MACROD2: variants seen among roughly 807,000 people sequenced by gnomAD.
The protein encoded by MACROD2 is mono-ADP ribosylhydrolase 2.
In MACROD2, 36 loss-of-function variants were observed where a neutral mutation model predicts 70.4. The observed-to-expected ratio is 0.51, with a 90% CI of 0.39 to 0.68. The LOEUF (loss-of-function observed/expected upper bound fraction) is 0.68, where lower values mean the gene tolerates loss of function less well. Ranked by LOEUF, MACROD2 falls within the 30% of genes least tolerant of loss-of-function variation. The pLI is 0.00. For missense variants in MACROD2, 496 were observed against 538.4 expected (o/e 0.92, Z 0.78); for synonymous variants, 172 against 178.8 (o/e 0.96, Z 0.30).
rs191124948 is a variant in MACROD2, at chr20:15,244,517, G to C, written c.540+14456G>C. Among the ~76,000 whole-genome samples the C allele has an allele frequency of 1.9e-3, 293 of 152,290 alleles. 4 individuals are homozygous for C. Among genetic ancestry groups the C allele is most frequent in the Admixed American group, 0.018 (272 of 15,300 alleles). ...GAAGACTTTGAGGTGGGGAGTGCCA[G>C]TTGGTTTGAGGCCCCCCTGCACCCC... On this transcript the variant is annotated intron_variant, in intron 6 of 17. Coordinates refer to ENST00000684519, the MANE Select transcript of MACROD2 (RefSeq NM_001351661.2).
At chr20:15,157,312 G>A (rs2076313622) in intron 5 of MACROD2, among the ~76,000 whole-genome samples, 1 of 149,032 alleles carries the variant, frequency 6.7e-6, no homozygotes, top group African/African-American at 2.5e-5. Context: ...TATCATGAGG[G>A]TCATGCTTTC....
At chr20:14,365,780 G>A (rs80021714) in intron 3 of MACROD2, among the ~76,000 whole-genome samples, 2,255 of 152,208 alleles carry the variant, frequency 0.015, 23 homozygotes, top group African/African-American at 0.027. Context: ...TGCTTTTGCT[G>A]TATCCCATGA....
intron 7 of MACROD2, among the ~76,000 whole-genome samples, chr20:15,445,546 C>T (rs888994373): frequency 6.6e-6 from 1 of 151,930 alleles, no homozygotes; most frequent in African/African-American, 2.4e-5. Flanking sequence ...CGGACAAAAC[C>T]AAATCATGTT....
intron 5 of MACROD2, among the ~76,000 whole-genome samples, chr20:15,114,120 A>T (rs1332922839): frequency 6.6e-6 from 1 of 152,170 alleles, no homozygotes; most frequent in African/African-American, 2.4e-5. Context: ...GAGAGAGGTG[A>T]ATGTGCATCT....
intron 8 of MACROD2, among the ~76,000 whole-genome samples, chr20:15,694,388 A>AT (rs1055066366): frequency 6.6e-6 from 1 of 152,012 alleles, no homozygotes; most frequent in Non-Finnish European, 1.5e-5. Context: ...CTGGTTTTTG[A>AT]TTTTTTTATT....
At chr20:15,118,229 T>C (rs1162613747) in intron 5 of MACROD2, among the ~76,000 whole-genome samples, 3 of 146,190 alleles carry the variant, frequency 2.1e-5, no homozygotes, top group African/African-American at 7.7e-5. Flanking sequence ...GGTCTCGCCC[T>C]GTTACCAGGC....
intron 5 of MACROD2, among the ~76,000 whole-genome samples, chr20:15,040,137 C>T (rs899913979): frequency 3.3e-5 from 5 of 151,940 alleles, no homozygotes; most frequent in African/African-American, 1.2e-4. Flanking sequence ...AACACGGTGA[C>T]ACCCTGTCTC....
intron 4 of MACROD2, among the ~76,000 whole-genome samples, chr20:14,679,683 G>A (rs543639061): frequency 2.0e-5 from 3 of 152,122 alleles, no homozygotes; most frequent in African/African-American, 7.2e-5. Context: ...TCAAAGACTT[G>A]CTTTTGAGCA....
chr20:15,179,761 T>G (rs2076487637), intron 5 of MACROD2, among the ~76,000 whole-genome samples: 1 of 152,224 alleles, frequency 6.6e-6, no homozygotes, highest in Non-Finnish European at 1.5e-5. Context: ...TTTTTGGCAT[T>G]GCCAAGGTCA....
chr20:15,206,361 C>T (rs941363449), intron 5 of MACROD2, among the ~76,000 whole-genome samples: 4 of 152,102 alleles, frequency 2.6e-5, no homozygotes, highest in African/African-American at 9.7e-5. Flanking sequence ...TTGGAACTTA[C>T]ATGGAGCTAT....
intron 3 of MACROD2, among the ~76,000 whole-genome samples, chr20:14,100,828 CATATATA>C (rs1244044789): frequency 7.8e-6 from 1 of 128,062 alleles, no homozygotes; most frequent in Non-Finnish European, 1.6e-5. Flanking sequence ...TCATATATAA[CATATATA>C]ATATAATATA....
intron 2 of MACROD2, among the ~76,000 whole-genome samples, chr20:14,060,304 A>T (rs894558843): frequency 6.6e-6 from 1 of 152,182 alleles, no homozygotes; most frequent in African/African-American, 2.4e-5. Flanking sequence ...TTACAGATCC[A>T]TGTTTCTAAC....
intron 5 of MACROD2, among the ~76,000 whole-genome samples, chr20:14,934,706 G>A (rs1783930282): frequency 6.6e-6 from 1 of 152,168 alleles, no homozygotes; most frequent in South Asian, 2.1e-4. Context: ...TGAATTGCTT[G>A]AACTCAGGAG....
chr20:15,488,589 G>T (rs755822365), intron 7 of MACROD2, among the ~76,000 whole-genome samples: 9 of 152,192 alleles, frequency 5.9e-5, no homozygotes, highest in Non-Finnish European at 1.0e-4. Flanking sequence ...GCCCCACTGG[G>T]GGGCTCCTAG....
intron 5 of MACROD2, among the ~76,000 whole-genome samples, chr20:15,112,946 TTCACTG>T (rs1427630765): frequency 3.2e-5 from 3 of 94,042 alleles, no homozygotes; most frequent in African/African-American, 9.8e-5. Context: ...TGGATAATAT[TTCACTG>T]TGTGTGTGTG....
At chr20:14,725,167 G>A (rs188740737) in intron 5 of MACROD2, among the ~76,000 whole-genome samples, 30 of 152,270 alleles carry the variant, frequency 2.0e-4, no homozygotes, top group Admixed American at 5.2e-4. Flanking sequence ...CCTGAGATAC[G>A]AGAGGGAGGA....
intron 5 of MACROD2, among the ~76,000 whole-genome samples, chr20:15,189,383 CAG>C (rs778792216): frequency 6.6e-6 from 1 of 151,816 alleles, no homozygotes; most frequent in Non-Finnish European, 1.5e-5. Context: ...CGCACATACA[CAG>C]AGAGAGAAAG....
chr20:15,416,450 G>A (rs377028625), intron 6 of MACROD2, among the ~76,000 whole-genome samples: 9 of 152,160 alleles, frequency 5.9e-5, no homozygotes, highest in East Asian at 5.8e-4. Context: ...TTACCTTTAC[G>A]TATTGAATCA....
At position 15,057,098 on chromosome 20, in the gene MACROD2, A is replaced by G. The variant is rs569215771; in HGVS notation, c.419-172842A>G. ...TGTGTGTCTCATTTTATGCCCTACC[A>G]TATATATTTTTTAAAAAAGTGTGTG... is the stretch of plus-strand genomic sequence containing the variant. On this transcript the variant is annotated intron_variant, in intron 5 of 17. Coordinates refer to ENST00000684519, the MANE Select transcript of MACROD2 (RefSeq NM_001351661.2). 2.0e-5 allele frequency among the ~76,000 whole-genome samples: 3 copies of G among 152,306 alleles called. No homozygotes were observed. The East Asian group carries it at 5.8e-4, about 29-fold the overall frequency.
Sources: gnomAD v4.1 joint callset for allele counts (sites outside exome capture counted in the v4.1 genomes callset) on GRCh38, gnomAD v4.1.1 for gene constraint, MANE v1.5 for transcripts, NCBI Gene and HGNC (gene_info 2026-07-23, HGNC 2026-07-21) for gene names.